The following SCYL2 variants were observed in gnomAD, a reference collection of about 807,000 sequenced individuals.
SCYL2 encodes the protein SCY1 like pseudokinase 2, also known as SCY1-like protein 2.
SCYL2 carries 36 observed loss-of-function variants against 100.4 expected under a neutral mutation model. The ratio of observed to expected loss-of-function variants is 0.36; its 90% CI spans 0.27 to 0.47. The LOEUF is 0.47. Among genes scored for constraint, SCYL2 ranks in the 20% least tolerant of loss-of-function variants. SCYL2 has a pLI of 1.00. For missense variants in SCYL2, 902 were observed against 1,083.9 expected (o/e 0.83, Z 2.36); for synonymous variants, 330 against 359.2 (o/e 0.92, Z 0.92).
At chr12:100,279,765 A>G (rs1298463856) in intron 1 of SCYL2, among the ~76,000 whole-genome samples, 1 of 152,222 alleles carries the variant, frequency 6.6e-6, no homozygotes, top group East Asian at 1.9e-4. Flanking sequence ...TGAGATATCA[A>G]ATGATTTGCA....
intron 1 of SCYL2, among the ~76,000 whole-genome samples, chr12:100,270,789 T>A (rs2096286801): frequency 6.6e-6 from 1 of 152,094 alleles, no homozygotes; most frequent in African/African-American, 2.4e-5. Context: ...TTTTAAATCT[T>A]AAATCTTATT....
Position 100,311,107 on chromosome 12 carries a change from G to C in SCYL2, c.544G>C (p.Glu182Gln), listed in dbSNP as rs1185726079. Residue 182 changes from glutamate to glutamine, a missense_variant, in exon 5 of 18, where the codon GAA (glutamate) becomes CAA (glutamine). Physicochemically the swap from Glu to Gln is conservative, Grantham distance 29. Transcript: ENST00000360820. Reference protein sequence around the residue: ...VKMVHGNITPENIILNKSGAW... With the variant: ...VKMVHGNITPQNIILNKSGAW... ...AATGGTGCATGGAAATATCACTCCT[G>C]AAAATATAATTTTGAATAAAAGTGG... 9.3e-6 allele frequency: 15 copies of C among 1,607,176 alleles called. No homozygotes were observed. In the Admixed American group the frequency reaches 1.7e-4, roughly 18 times the overall value.
chr12:100,271,293 A>G (rs999114176), intron 1 of SCYL2, among the ~76,000 whole-genome samples: 3 of 145,730 alleles, frequency 2.1e-5, no homozygotes, highest in African/African-American at 7.6e-5. Flanking sequence ...GAGAGAGAGA[A>G]TATATCTTAA....
At chr12:100,327,435 T>A (rs1413618590) in intron 12 of SCYL2, among the ~76,000 whole-genome samples, 1 of 152,200 alleles carries the variant, frequency 6.6e-6, no homozygotes, top group African/African-American at 2.4e-5. Context: ...AGGGGTCTGC[T>A]GCACTAATAA....
intron 13 of SCYL2, among the ~76,000 whole-genome samples, 169 bp downstream of exon 13, chr12:100,329,488 T>C (rs935128173): frequency 1.3e-5 from 2 of 152,144 alleles, no homozygotes; most frequent in African/African-American, 4.8e-5. Context: ...GTTAAAGACG[T>C]CATTGGTAAA....
chr12:100,284,675 C>T (rs2096302501), intron 2 of SCYL2, among the ~76,000 whole-genome samples: 1 of 152,166 alleles, frequency 6.6e-6, no homozygotes, highest in Non-Finnish European at 1.5e-5. Context: ...GTTGGCCAGA[C>T]TGCTCTCGAA....
intron 1 of SCYL2, among the ~76,000 whole-genome samples, chr12:100,275,394 A>G (rs1372087533): frequency 2.6e-5 from 4 of 151,946 alleles, no homozygotes; most frequent in African/African-American, 9.7e-5. Context: ...TGGAGTCTTG[A>G]TATGTTACCC....
rs1952317766 is a variant in SCYL2, at chr12:100,338,963, C to A, written c.2581C>A (p.Pro861Thr). 6.2e-7 allele frequency: 1 copy of A among 1,614,130 alleles called. No individual in the cohort carries two copies. The highest frequency in any genetic ancestry group is 1.3e-5 in the African/African-American group (1 of 75,058). Reference protein sequence around the residue: ...VSMNQLSQQKPNQWLNQFVPP... With the variant: ...VSMNQLSQQKTNQWLNQFVPP... ...CATGAACCAGTTATCACAACAGAAA[C>A]CAAATCAGTGGCTTAATCAGTTTGT... Residue 861 changes from proline to threonine, a missense_variant, in exon 18 of 18, where the codon CCA becomes ACA. By Grantham distance (38) the Pro-to-Thr change is conservative. Transcript: ENST00000360820.
chr12:100,339,263 T>G lies in SCYL2; in HGVS notation c.*91T>G. 7.9e-7 allele frequency: 1 copy of G among 1,263,936 alleles called. No individual in the cohort carries two copies. The highest frequency in any genetic ancestry group is 1.1e-6 in the Non-Finnish European group (1 of 910,702). 78.3% of individuals were successfully genotyped at this position (1,263,936 alleles called of 1,614,324 possible). On this transcript the variant is annotated 3_prime_UTR_variant, in exon 18 of 18. Transcript: ENST00000360820. ...TATATAGTTGGCTTGGAGGAAGTACTTCTATGGGAAAGTGAACAGTTCTGT... is the reference window on the plus strand; with the variant it reads ...TATATAGTTGGCTTGGAGGAAGTACGTCTATGGGAAAGTGAACAGTTCTGT...
chr12:100,311,019 T>TA, intron 4 of SCYL2, 25 bp from the exon 5 acceptor site: 1 of 1,520,450 alleles, frequency 6.6e-7, no homozygotes, highest in South Asian at 1.3e-5. Flanking sequence ...TTATTTAGTG[T>TA]AAAATGTGTT....
intron 2 of SCYL2, among the ~76,000 whole-genome samples, chr12:100,287,960 GTTTC>G (rs2096306216): frequency 6.6e-6 from 1 of 152,140 alleles, no homozygotes; most frequent in African/African-American, 2.4e-5. Context: ...ATAAGACGTT[GTTTC>G]TTTCTTCAAG....
At chr12:100,305,034 G>A (rs1383311990) in intron 4 of SCYL2, among the ~76,000 whole-genome samples, 1 of 152,156 alleles carries the variant, frequency 6.6e-6, no homozygotes, top group Non-Finnish European at 1.5e-5. Flanking sequence ...AAGAGACTTA[G>A]ACTCCCACGC....
chr12:100,267,566 G>A lies in SCYL2; in HGVS notation c.-255G>A, dbSNP rs1182249177. The A allele has an allele frequency of 1.3e-5, 2 of 152,730 alleles. No homozygotes were observed. Among genetic ancestry groups the A allele is most frequent in the Admixed American group, 6.5e-5 (1 of 15,306 alleles). The allele number at this position is 152,730 out of a possible 1,614,324, so 9.5% of individuals were successfully genotyped here. On this transcript the variant is annotated 5_prime_UTR_variant, in exon 1 of 18. Transcript: ENST00000360820. ...TGACGGGCCTGCCGGCGGCCGGCCGGGCGATCGGCGGTCGGCGCCCGCGCA... is the reference window on the plus strand; with the variant it reads ...TGACGGGCCTGCCGGCGGCCGGCCGAGCGATCGGCGGTCGGCGCCCGCGCA...
At chr12:100,331,668 G>A (rs755078260) in intron 13 of SCYL2, among the ~76,000 whole-genome samples, 11 of 152,072 alleles carry the variant, frequency 7.2e-5, no homozygotes, top group Admixed American at 5.2e-4. Context: ...TTTGGGGTGG[G>A]GGGAGTGGCT....
At chr12:100,322,326 T>TCGCG (rs1164913592) in intron 10 of SCYL2, among the ~76,000 whole-genome samples, 1 of 122,296 alleles carries the variant, frequency 8.2e-6, no homozygotes, top group Non-Finnish European at 1.6e-5. Context: ...TGAGCCGAGA[T>TCGCG]CGCGCCACTG....
intron 11 of SCYL2, 45 bp from the exon 12 acceptor site, chr12:100,326,577 T>G: frequency 7.0e-7 from 1 of 1,420,674 alleles, no homozygotes; most frequent in Non-Finnish European, 9.5e-7. Flanking sequence ...TTGTTCTAGA[T>G]TTTGAAAACT....
chr12:100,333,190 T>C (rs2135939249), intron 13 of SCYL2, among the ~76,000 whole-genome samples: 1 of 152,326 alleles, frequency 6.6e-6, no homozygotes, highest in South Asian at 2.1e-4. Flanking sequence ...GTAAACTGCT[T>C]TGGAAACATG....
chr12:100,328,049 G>A (rs1264215193), intron 12 of SCYL2, among the ~76,000 whole-genome samples: 1 of 152,102 alleles, frequency 6.6e-6, no homozygotes, highest in African/African-American at 2.4e-5. Flanking sequence ...AGGCCAAGGT[G>A]GGTAGATCAC....
At chr12:100,311,820 T>C (rs1248975277) in intron 5 of SCYL2, among the ~76,000 whole-genome samples, 4 of 152,192 alleles carry the variant, frequency 2.6e-5, no homozygotes, top group African/African-American at 9.6e-5. Context: ...CTTGTATTGA[T>C]TGGGTCTGCA....
Sources: gnomAD v4.1 joint callset for allele counts (sites outside exome capture counted in the v4.1 genomes callset) on GRCh38, gnomAD v4.1.1 for gene constraint, MANE v1.5 for transcripts, NCBI Gene and HGNC (gene_info 2026-07-23, HGNC 2026-07-21) for gene names.